The following ADCY8 variants were observed in gnomAD, a reference collection of about 807,000 sequenced individuals.
The protein encoded by ADCY8 is adenylate cyclase type 8.
A neutral mutation model predicts 119.7 loss-of-function variants in ADCY8; 51 were observed. The ratio of observed to expected loss-of-function variants is 0.43; its 90% confidence interval spans 0.34 to 0.54. ADCY8 has a LOEUF of 0.54. ADCY8 is among the 20% of genes least tolerant of loss of function. The pLI, the probability that ADCY8 is intolerant of heterozygous loss-of-function variation, is 0.03. For missense variants in ADCY8, 1,383 were observed against 1,598.8 expected (o/e 0.87, Z 2.30); for synonymous variants, 665 against 651.0 (o/e 1.02, Z -0.33).
intron 8 of ADCY8, among the ~76,000 whole-genome samples, chr8:130,882,790 T>C (rs1370654613): frequency 6.6e-6 from 1 of 152,182 alleles, no homozygotes; most frequent in African/African-American, 2.4e-5. Context: ...TTGTGATATA[T>C]TCTCTGCTCA....
intron 12 of ADCY8, among the ~76,000 whole-genome samples, chr8:130,827,226 C>T (rs1019636520): frequency 6.6e-6 from 1 of 152,016 alleles, no homozygotes; most frequent in African/African-American, 2.4e-5. Context: ...AAGAGCATCC[C>T]CAAATTATTT....
chr8:130,813,243 G>A (rs186665078), intron 14 of ADCY8, among the ~76,000 whole-genome samples: 10 of 152,232 alleles, frequency 6.6e-5, no homozygotes, highest in South Asian at 4.1e-4. Context: ...CACTGCGCCC[G>A]GCCATCTTGA....
At chr8:130,969,411 C>A (rs1821858102) in intron 2 of ADCY8, among the ~76,000 whole-genome samples, 1 of 151,810 alleles carries the variant, frequency 6.6e-6, no homozygotes, top group Non-Finnish European at 1.5e-5. Flanking sequence ...AGCTCTCTTT[C>A]TTTTTCTCTC....
intron 5 of ADCY8, among the ~76,000 whole-genome samples, chr8:130,911,344 A>G (rs1328313664): frequency 6.6e-6 from 1 of 152,172 alleles, no homozygotes; most frequent in African/African-American, 2.4e-5. Flanking sequence ...CTTCTAAATG[A>G]AGATTTCTGA....
intron 2 of ADCY8, among the ~76,000 whole-genome samples, chr8:130,961,437 T>TCATAAATCTCTC (rs1451834597): frequency 6.6e-6 from 1 of 151,898 alleles, no homozygotes; most frequent in East Asian, 1.9e-4. Flanking sequence ...ATAAATCTCT[T>TCATAAATCTCTC]CATAAATCTC....
intron 17 of ADCY8, among the ~76,000 whole-genome samples, chr8:130,781,230 A>G (rs1277838574): frequency 6.6e-6 from 1 of 152,244 alleles, no homozygotes; most frequent in African/African-American, 2.4e-5. Context: ...TGATCAGAGC[A>G]TGGACCAGAA....
At chr8:130,931,614 T>G (rs575628998) in intron 5 of ADCY8, among the ~76,000 whole-genome samples, 14 of 152,294 alleles carry the variant, frequency 9.2e-5, no homozygotes, top group African/African-American at 3.4e-4. Flanking sequence ...ATAAATCTTG[T>G]AAGCTTTCTT....
chr8:130,816,427 C>CTTTTTT (rs59803292), intron 13 of ADCY8, among the ~76,000 whole-genome samples: 14 of 121,186 alleles, frequency 1.2e-4, no homozygotes, highest in African/African-American at 1.3e-4. Flanking sequence ...ATTTTTTTTT[C>CTTTTTT]TTTTTTTTTT....
At chr8:130,989,677 C>G (rs982145466) in intron 2 of ADCY8, among the ~76,000 whole-genome samples, 2 of 152,136 alleles carry the variant, frequency 1.3e-5, no homozygotes, top group African/African-American at 4.8e-5. Context: ...TATTCATGGA[C>G]TTAAAATATA....
At chr8:130,880,823 C>A (rs1278467785) in intron 8 of ADCY8, among the ~76,000 whole-genome samples, 10 of 152,178 alleles carry the variant, frequency 6.6e-5, no homozygotes, top group Non-Finnish European at 1.0e-4. Context: ...ACATCTACTA[C>A]TCTCCTGGGC....
intron 7 of ADCY8, among the ~76,000 whole-genome samples, chr8:130,899,546 C>T (rs928526677): frequency 2.6e-5 from 4 of 151,716 alleles, no homozygotes; most frequent in Non-Finnish European, 5.9e-5. Flanking sequence ...GCGGAGGTTG[C>T]AGTGAGCCGA....
chr8:130,820,514 GAGTTCACCT>G (rs1426740154), intron 13 of ADCY8, among the ~76,000 whole-genome samples: 2 of 152,188 alleles, frequency 1.3e-5, no homozygotes, highest in Non-Finnish European at 2.9e-5. Context: ...TCATGGGTTG[GAGTTCACCT>G]GGAGAAGACC....
intron 8 of ADCY8, among the ~76,000 whole-genome samples, chr8:130,869,503 TG>T (rs1279869095): frequency 3.0e-5 from 4 of 133,468 alleles, no homozygotes; most frequent in South Asian, 2.7e-4. Context: ...TTTTTTATTT[TG>T]TTTATTTTTT....
At chr8:130,955,909 C>A (rs147056423) in intron 2 of ADCY8, among the ~76,000 whole-genome samples, 12 of 152,302 alleles carry the variant, frequency 7.9e-5, no homozygotes, top group Admixed American at 2.6e-4. Flanking sequence ...CTTTGGGAGA[C>A]TGAGCTGGGA....
At chr8:130,974,593 T>C (rs1050272694) in intron 2 of ADCY8, among the ~76,000 whole-genome samples, 2 of 152,202 alleles carry the variant, frequency 1.3e-5, no homozygotes, top group African/African-American at 4.8e-5. Context: ...CTGTATGCCT[T>C]TGTGTACTAA....
intron 1 of ADCY8, among the ~76,000 whole-genome samples, chr8:131,009,859 A>G (rs1823245652): frequency 6.6e-6 from 1 of 152,210 alleles, no homozygotes; most frequent in Non-Finnish European, 1.5e-5. Context: ...AAATGCGGGA[A>G]GCATTTGGGG....
intron 8 of ADCY8, among the ~76,000 whole-genome samples, chr8:130,869,519 T>TTTTTTTTTTTTTTG (rs1818253684): frequency 2.9e-5 from 1 of 34,656 alleles, no homozygotes; most frequent in African/African-American, 1.7e-4. Flanking sequence ...TTTTTTTTTG[T>TTTTTTTTTTTTTTG]TTTTTTGTTT....
intron 12 of ADCY8, 71 bp downstream of exon 12, chr8:130,836,206 T>A: frequency 6.7e-7 from 1 of 1,482,712 alleles, no homozygotes; most frequent in South Asian, 1.3e-5. Context: ...GCAGCGGGCA[T>A]CATTTTCCCA....
intron 2 of ADCY8, among the ~76,000 whole-genome samples, chr8:130,969,430 C>T (rs1821858604): frequency 6.6e-6 from 1 of 152,164 alleles, no homozygotes; most frequent in Non-Finnish European, 1.5e-5. Flanking sequence ...TCTATCTACA[C>T]ATTCTCTTGG....
Sources: allele counts gnomAD v4.1 joint callset (sites outside exome capture counted in the v4.1 genomes callset), GRCh38; gene constraint gnomAD v4.1.1; transcripts MANE v1.5; gene names NCBI Gene and HGNC (gene_info 2026-07-23, HGNC 2026-07-21).